Variants in ACOXL observed in about 807,000 individuals in gnomAD.
ACOXL encodes the protein acyl-CoA oxidase like.
A neutral mutation model predicts 71.9 loss-of-function variants in ACOXL; 70 were observed. The ratio of observed to expected loss-of-function variants is 0.97; its 90% CI spans 0.80 to 1.19. ACOXL has a LOEUF of 1.19. Among genes scored for constraint, ACOXL ranks in the 50% most tolerant of loss-of-function variants. The pLI is 0.00. For synonymous variants in ACOXL, 253 were observed against 281.6 expected (o/e 0.90, Z 1.02); for missense variants, 703 against 736.3 (o/e 0.95, Z 0.52).
chr2:110,769,824 A>G (rs1379920408), intron 2 of ACOXL, among the ~76,000 whole-genome samples: 1 of 150,646 alleles, frequency 6.6e-6, no homozygotes, highest in Non-Finnish European at 1.5e-5. Flanking sequence ...ACAAAGCGAG[A>G]CTCTGTCTCA....
At chr2:110,762,173 T>G (rs1456841448) in intron 1 of ACOXL, among the ~76,000 whole-genome samples, 1 of 152,232 alleles carries the variant, frequency 6.6e-6, no homozygotes, top group Non-Finnish European at 1.5e-5. Flanking sequence ...TTTTTCTTTT[T>G]GATTAGCGTT....
At chr2:110,990,460 A>G (rs1030195397) in intron 13 of ACOXL, among the ~76,000 whole-genome samples, 4 of 152,224 alleles carry the variant, frequency 2.6e-5, no homozygotes, top group African/African-American at 7.2e-5. Flanking sequence ...TGCAAATTAT[A>G]AATTTTTATT....
intron 11 of ACOXL, among the ~76,000 whole-genome samples, chr2:110,928,591 A>G (rs893714851): frequency 5.3e-5 from 8 of 152,262 alleles, no homozygotes; most frequent in Admixed American, 2.0e-4. Flanking sequence ...ATAAACTTTT[A>G]TAAATAGAAT....
intron 16 of ACOXL, among the ~76,000 whole-genome samples, chr2:111,084,176 A>AACGGTTAT (rs1246775565): frequency 6.6e-6 from 1 of 151,932 alleles, no homozygotes; most frequent in Non-Finnish European, 1.5e-5. Flanking sequence ...AAAAATAAAA[A>AACGGTTAT]ACGGTTATGA....
intron 1 of ACOXL, among the ~76,000 whole-genome samples, chr2:110,765,519 T>C (rs908067426): frequency 4.6e-5 from 7 of 152,214 alleles, no homozygotes; most frequent in Non-Finnish European, 8.8e-5. Context: ...TTCTATTGAT[T>C]TGTGTTCTAG....
chr2:110,831,739 C>T (rs545598556), intron 9 of ACOXL, among the ~76,000 whole-genome samples: 2 of 152,238 alleles, frequency 1.3e-5, no homozygotes, highest in South Asian at 4.2e-4. Flanking sequence ...ACAAGTAGAT[C>T]AATGGAGCAG....
At chr2:110,827,249 C>T (rs1366429820) in intron 9 of ACOXL, among the ~76,000 whole-genome samples, 1 of 152,158 alleles carries the variant, frequency 6.6e-6, no homozygotes, top group African/African-American at 2.4e-5. Flanking sequence ...ATATGCCCTG[C>T]AGGAGTAGCC....
chr2:110,866,406 G>A (rs117286848), intron 10 of ACOXL, among the ~76,000 whole-genome samples: 20 of 152,176 alleles, frequency 1.3e-4, no homozygotes, highest in Admixed American at 6.5e-5. Flanking sequence ...AGTAGGATTA[G>A]TTCAGACTCA....
intron 17 of ACOXL, among the ~76,000 whole-genome samples, chr2:111,114,588 G>C (rs2070213151): frequency 6.6e-6 from 1 of 152,112 alleles, no homozygotes; most frequent in African/African-American, 2.4e-5. Context: ...GGAAGAGGCA[G>C]GAAAACCTTC....
At chr2:110,878,900 A>C (rs1696262849) in intron 10 of ACOXL, among the ~76,000 whole-genome samples, 1 of 151,916 alleles carries the variant, frequency 6.6e-6, no homozygotes, top group Admixed American at 6.6e-5. Flanking sequence ...TCTACTAAAA[A>C]CACAAAAATT....
chr2:110,829,508 A>G (rs572376622), intron 9 of ACOXL, among the ~76,000 whole-genome samples: 16 of 152,318 alleles, frequency 1.1e-4, no homozygotes, highest in South Asian at 4.1e-4. Flanking sequence ...ACTATCACCA[A>G]TGTAGTGCCA....
chr2:110,851,499 G>C (rs562267157), intron 10 of ACOXL, among the ~76,000 whole-genome samples: 1 of 152,326 alleles, frequency 6.6e-6, no homozygotes, highest in South Asian at 2.1e-4. Flanking sequence ...CTGTGTGACT[G>C]CACTCAGTTT....
chr2:110,808,245 A>G (rs1686906218), intron 9 of ACOXL, among the ~76,000 whole-genome samples: 2 of 152,174 alleles, frequency 1.3e-5, no homozygotes, highest in Admixed American at 6.5e-5. Context: ...GGTCTGGCCC[A>G]TTCTCTTGGG....
At chr2:110,894,990 A>G (rs1194481398) in intron 10 of ACOXL, among the ~76,000 whole-genome samples, 2 of 152,228 alleles carry the variant, frequency 1.3e-5, no homozygotes, top group East Asian at 1.9e-4. Flanking sequence ...ACATGAAAAT[A>G]TACAGTTTCA....
chr2:110,982,718 A>G (rs1275094717), intron 12 of ACOXL, among the ~76,000 whole-genome samples: 1 of 152,224 alleles, frequency 6.6e-6, no homozygotes, highest in Non-Finnish European at 1.5e-5. Context: ...AAACAAGAAT[A>G]TTATTTTAGT....
intron 1 of ACOXL, among the ~76,000 whole-genome samples, chr2:110,750,618 A>T (rs1678807635): frequency 6.7e-6 from 1 of 148,812 alleles, no homozygotes; most frequent in Non-Finnish European, 1.5e-5. Flanking sequence ...ATATATAAAC[A>T]TATACATATT....
intron 11 of ACOXL, among the ~76,000 whole-genome samples, chr2:110,921,457 A>C (rs1361780806): frequency 2.5e-5 from 3 of 119,662 alleles, no homozygotes; most frequent in Admixed American, 2.3e-4. Flanking sequence ...CAGTGGCGCC[A>C]TCTCAGCTCA....
chr2:110,998,835 A>G (rs1004627439), intron 14 of ACOXL, among the ~76,000 whole-genome samples: 2 of 152,234 alleles, frequency 1.3e-5, no homozygotes, highest in African/African-American at 2.4e-5. Flanking sequence ...AGAGGTTTCA[A>G]TCCTCCTAGT....
intron 2 of ACOXL, among the ~76,000 whole-genome samples, chr2:110,776,436 G>A (rs2105079432): frequency 6.6e-6 from 1 of 152,310 alleles, no homozygotes; most frequent in Middle Eastern, 3.4e-3. Context: ...TTGTGTGTAT[G>A]TTAATTTTTT....
Sources: allele counts gnomAD v4.1 joint callset (sites outside exome capture counted in the v4.1 genomes callset), GRCh38; gene constraint gnomAD v4.1.1; transcripts MANE v1.5; gene names NCBI Gene and HGNC (gene_info 2026-07-23, HGNC 2026-07-21).